Variants in TP63 observed in about 807,000 individuals in gnomAD.
TP63 encodes the protein tumor protein 63.
A neutral mutation model predicts 82.8 loss-of-function variants in TP63; 17 were observed. That is an observed-to-expected ratio of 0.21 (90% CI 0.14 to 0.31). TP63 has a LOEUF of 0.31. TP63 is among the 10% of genes least tolerant of loss of function. The pLI, the probability that TP63 is intolerant of heterozygous loss-of-function variation, is 1.00. For synonymous variants in TP63, 330 were observed against 321.7 expected, an observed-to-expected ratio of 1.03 and a Z score of -0.28; for missense variants, 648 against 895.3, an observed-to-expected ratio of 0.72 and a Z score of 3.52.
At chr3:189,668,138 C>G (rs1030121818) in intron 1 of TP63, among the ~76,000 whole-genome samples, 1 of 151,774 alleles carries the variant, frequency 6.6e-6, no homozygotes, top group Admixed American at 6.6e-5. Flanking sequence ...CAGATATGTT[C>G]AACAAAGCAT....
Position 189,689,219 on chromosome 3 carries a change from G to A in TP63, c.63-48521G>A, listed in dbSNP as rs1333465851. Among the ~76,000 whole-genome samples, 3 of 141,568 alleles carry A rather than the reference G, an allele frequency of 2.1e-5. 1 individual carries two copies. Among genetic ancestry groups the A allele is most frequent in the South Asian group, 4.6e-4 (2 of 4,328 alleles). 92.9% of individuals were successfully genotyped at this position (141,568 alleles called of 152,430 possible). A position where few individuals can be genotyped will look rare whatever the true frequency, so the allele number is the denominator to read the frequency against. ...CAACCTCCGTTTCCCAGGTTCAAGC[G>A]ATTCTCCTGCCTCAGCCTCCTGAGT... On this transcript the variant is annotated intron_variant, in intron 1 of 13. Coordinates refer to ENST00000264731, the MANE Select transcript of TP63 (RefSeq NM_003722.5).
At chr3:189,840,517 G>A (rs902881346) in intron 4 of TP63, among the ~76,000 whole-genome samples, 1 of 151,332 alleles carries the variant, frequency 6.6e-6, no homozygotes, top group African/African-American at 2.4e-5. Flanking sequence ...GAGAGGGTGA[G>A]AATACACAGT....
rs186148756 is a variant in TP63, at chr3:189,768,287, G to C, written c.324+29513G>C. On this transcript the variant is annotated intron_variant, in intron 3 of 13. Coordinates refer to ENST00000264731, the MANE Select transcript of TP63 (RefSeq NM_003722.5). ...CTTTTCTTTACTATTTACTTTTTTAGGTCAGTCATTGAACACAAGGGGCTG... is the reference window on the plus strand; with the variant it reads ...CTTTTCTTTACTATTTACTTTTTTACGTCAGTCATTGAACACAAGGGGCTG... Among the ~76,000 whole-genome samples, 6 of 152,118 alleles carry C rather than the reference G, an allele frequency of 3.9e-5. No individual in the cohort carries two copies. In the East Asian group the frequency reaches 1.2e-3, roughly 29 times the overall value.
intron 4 of TP63, among the ~76,000 whole-genome samples, chr3:189,828,744 T>C (rs1309984372): frequency 6.6e-6 from 1 of 152,232 alleles, no homozygotes. Context: ...TGAGCTTCAG[T>C]TTTCTTATCT....
chr3:189,726,435 A>G (rs1719782713), intron 1 of TP63, among the ~76,000 whole-genome samples: 1 of 152,204 alleles, frequency 6.6e-6, no homozygotes, highest in Admixed American at 6.5e-5. Context: ...TACATAATTC[A>G]TCATATGACT....
Position 189,880,183 on chromosome 3 carries a change from C to T in TP63, c.1350-6211C>T. Reference sequence around the variant, plus strand: ...AACCGATCAGTGTACCCATAGAGCCCTATCTCTATATTTTAAGTGTGTGTG... The same window carrying T: ...AACCGATCAGTGTACCCATAGAGCCTTATCTCTATATTTTAAGTGTGTGTG... On this transcript the variant is annotated intron_variant, in intron 10 of 13. Coordinates refer to ENST00000264731, the MANE Select transcript of TP63 (RefSeq NM_003722.5). 1.9e-6 allele frequency: 3 copies of T among 1,611,192 alleles called. No homozygotes were observed. In the South Asian group the frequency reaches 3.3e-5, roughly 18 times the overall value.
At position 189,880,504 on chromosome 3, in the gene TP63, T is replaced by G. The variant is rs550051248; in HGVS notation, c.1350-5890T>G. Reference sequence around the variant, plus strand: ...TCAGGTGGGGAAAGGGGCATTAAGATGTTTATTGGAACCCTTTTCTGTCTT... The same window carrying G: ...TCAGGTGGGGAAAGGGGCATTAAGAGGTTTATTGGAACCCTTTTCTGTCTT... On this transcript the variant is annotated intron_variant, in intron 10 of 13. Transcript: ENST00000264731. 3,333 of 1,010,294 alleles carry G rather than the reference T, an allele frequency of 3.3e-3. 6 individuals are homozygous for G. The highest frequency in any genetic ancestry group is 3.7e-3 in the Non-Finnish European group (3,091 of 846,138). 62.6% of individuals were successfully genotyped at this position (1,010,294 alleles called of 1,614,324 possible).
At chr3:189,832,621 T>G (rs930684637) in intron 4 of TP63, among the ~76,000 whole-genome samples, 1 of 152,206 alleles carries the variant, frequency 6.6e-6, no homozygotes. Flanking sequence ...ATTATTATGC[T>G]GTCAGGAGTT....
At chr3:189,739,649 A>G (rs1720835771) in intron 3 of TP63, among the ~76,000 whole-genome samples, 1 of 152,154 alleles carries the variant, frequency 6.6e-6, no homozygotes. Flanking sequence ...TTCCTCATTT[A>G]TAAAGTGGTG....
chr3:189,755,713 T>A (rs544605136), intron 3 of TP63, among the ~76,000 whole-genome samples: 7 of 152,170 alleles, frequency 4.6e-5, no homozygotes, highest in South Asian at 4.1e-4. Context: ...ATGAATCTTG[T>A]TTTTTTAATG....
At chr3:189,863,334 A>G (rs1482582494) in intron 4 of TP63, among the ~76,000 whole-genome samples, 3 of 152,214 alleles carry the variant, frequency 2.0e-5, no homozygotes, top group Non-Finnish European at 4.4e-5. Flanking sequence ...AAGGTTTACT[A>G]TAGTGTAAGG....
intron 1 of TP63, among the ~76,000 whole-genome samples, chr3:189,646,884 A>G (rs1712464406): frequency 6.8e-6 from 1 of 147,562 alleles, no homozygotes; most frequent in Non-Finnish European, 1.5e-5. Context: ...GTGGAGTGCA[A>G]ACACTGTTGG....
intron 3 of TP63, among the ~76,000 whole-genome samples, chr3:189,741,922 T>C (rs1721014440): frequency 1.3e-5 from 2 of 152,124 alleles, no homozygotes; most frequent in Non-Finnish European, 2.9e-5. Context: ...TTCAAGGAAC[T>C]TCTAGGTTCT....
chr3:189,613,968 A>G, the TP63 span, among the ~76,000 whole-genome samples: 1 of 152,202 alleles, frequency 6.6e-6, no homozygotes. Context: ...ACAGGCTCAT[A>G]GGCAGAAGGG....
At chr3:189,709,866 C>T (rs1430867983) in intron 1 of TP63, among the ~76,000 whole-genome samples, 1 of 152,126 alleles carries the variant, frequency 6.6e-6, no homozygotes, top group African/African-American at 2.4e-5. Context: ...TACAACTTAA[C>T]CTTTGCTCAC....
intron 4 of TP63, among the ~76,000 whole-genome samples, chr3:189,815,084 C>T (rs1045148934): frequency 6.6e-6 from 1 of 152,022 alleles, no homozygotes; most frequent in Non-Finnish European, 1.5e-5. Flanking sequence ...TTCTTCTCCC[C>T]CTTCTTTCTA....
At chr3:189,629,545 G>A (rs901578200), upstream of TP63, among the ~76,000 whole-genome samples, 2 of 152,022 alleles carry the variant, frequency 1.3e-5, no homozygotes, top group East Asian at 1.9e-4. Flanking sequence ...TCCTAGAGAC[G>A]TCGAATTGTA....
chr3:189,704,788 A>C (rs906413501), intron 1 of TP63, among the ~76,000 whole-genome samples: 2 of 152,206 alleles, frequency 1.3e-5, no homozygotes, highest in Admixed American at 1.3e-4. Flanking sequence ...GTTTCCTTAG[A>C]GCTTGGCACA....
the TP63 span, among the ~76,000 whole-genome samples, chr3:189,608,294 A>C: frequency 1.3e-5 from 2 of 152,122 alleles, no homozygotes; most frequent in East Asian, 1.9e-4. Flanking sequence ...GAATTAGAGC[A>C]TTGGATAATG....
Sources: gnomAD v4.1 joint callset for allele counts (sites outside exome capture counted in the v4.1 genomes callset) on GRCh38, gnomAD v4.1.1 for gene constraint, MANE v1.5 for transcripts, NCBI Gene and HGNC (gene_info 2026-07-23, HGNC 2026-07-21) for gene names.